Variants in TUSC3 observed in about 807,000 individuals in gnomAD.
The protein encoded by TUSC3 is dolichyl-diphosphooligosaccharide--protein glycosyltransferase subunit TUSC3.
Under a neutral mutation model 44.8 loss-of-function variants are expected in TUSC3, and 45 were observed. That is an observed-to-expected ratio of 1.00 (90% CI 0.79 to 1.29). TUSC3 has a LOEUF of 1.29. Among genes scored for constraint, TUSC3 ranks in the 50% most tolerant of loss-of-function variants. TUSC3 has a pLI of 0.00. For synonymous variants in TUSC3, 212 were observed against 152.9 expected (o/e 1.39, Z -2.85); for missense variants, 519 against 437.9 (o/e 1.19, Z -1.65).
rs188549889 is a variant in TUSC3, at chr8:15,565,849, A to C, written c.138+25281A>C. ...CTAGGTGTGGATGACTGTGTGGTAC[A>C]GTCTCCTTAATCTCCTGAATTTGGC... On this transcript the variant is annotated intron_variant, in intron 1 of 10. Transcript: ENST00000503731. Among the ~76,000 whole-genome samples the C allele has an allele frequency of 1.8e-3, 271 of 152,220 alleles. 1 individual carries two copies. Among genetic ancestry groups the C allele is most frequent in the African/African-American group, 6.3e-3 (260 of 41,534 alleles).
chr8:15,839,778 A>G, the TUSC3 span, among the ~76,000 whole-genome samples: 11 of 152,268 alleles, frequency 7.2e-5, no homozygotes, highest in South Asian at 2.3e-3. Flanking sequence ...CACTGTTGGT[A>G]GGAATGTAAA....
the TUSC3 span, among the ~76,000 whole-genome samples, chr8:15,814,746 C>G: frequency 2.6e-5 from 4 of 152,100 alleles, no homozygotes; most frequent in Admixed American, 1.3e-4. Context: ...TAGAGATTTA[C>G]CAATATTAAA....
At chr8:15,476,630 C>T (rs1023373207) in intron 1 of TUSC3, among the ~76,000 whole-genome samples, 13 of 151,982 alleles carry the variant, frequency 8.6e-5, no homozygotes, top group Non-Finnish European at 1.5e-4. Context: ...GGACCAAATG[C>T]ACAAACAAAG....
At chr8:15,556,060 G>T (rs1404105735) in intron 1 of TUSC3, among the ~76,000 whole-genome samples, 1 of 149,628 alleles carries the variant, frequency 6.7e-6, no homozygotes, top group Non-Finnish European at 1.5e-5. Context: ...CATTGTGCAG[G>T]TTAGTTACAT....
chr8:15,574,137 C>G (rs1468200014), intron 1 of TUSC3, among the ~76,000 whole-genome samples: 1 of 152,124 alleles, frequency 6.6e-6, no homozygotes, highest in Non-Finnish European at 1.5e-5. Flanking sequence ...ATTCAATTGT[C>G]AATCCATTTC....
intron 2 of TUSC3, among the ~76,000 whole-genome samples, chr8:15,497,540 C>G (rs1563266488): frequency 6.6e-6 from 1 of 152,014 alleles, no homozygotes; most frequent in African/African-American, 2.4e-5. Flanking sequence ...GAGGGCAATT[C>G]TTCGGAGGGG....
At chr8:15,661,262 C>T (rs1285753727) in intron 4 of TUSC3, among the ~76,000 whole-genome samples, 2 of 151,912 alleles carry the variant, frequency 1.3e-5, no homozygotes, top group African/African-American at 4.8e-5. Flanking sequence ...AACCTAATAC[C>T]CTTTACATTG....
At position 15,485,891 on chromosome 8, in the gene TUSC3, C is replaced by G. The variant is rs571675223; in HGVS notation, n.189+2408C>G. ...CACTGCAACCTCTGCCTCCTGGGTT[C>G]AAGTGATTCCTGCCTCAGCCTCCTG... is the stretch of plus-strand genomic sequence containing the variant. On this transcript the variant is annotated intron_variant and non_coding_transcript_variant, in intron 2 of 5. Coordinates refer to the TUSC3 transcript ENST00000503191. 9.7e-4 allele frequency among the ~76,000 whole-genome samples: 148 copies of G among 152,170 alleles called. 1 individual carries two copies. Among genetic ancestry groups the G allele is most frequent in the Non-Finnish European group, 1.8e-3 (122 of 67,998 alleles).
chr8:15,834,319 TTTC>T, the TUSC3 span, among the ~76,000 whole-genome samples: 1 of 152,198 alleles, frequency 6.6e-6, no homozygotes, highest in African/African-American at 2.4e-5. Context: ...CAGTACACTC[TTTC>T]TTTTTAGTTA....
At chr8:15,699,450 G>A (rs1809305338) in intron 6 of TUSC3, among the ~76,000 whole-genome samples, 1 of 152,108 alleles carries the variant, frequency 6.6e-6, no homozygotes, top group Non-Finnish European at 1.5e-5. Context: ...GGATTTTAGT[G>A]TCCACCTGTC....
At chr8:15,435,733 T>G (rs1799937642) in intron 1 of TUSC3, among the ~76,000 whole-genome samples, 1 of 152,184 alleles carries the variant, frequency 6.6e-6, no homozygotes, top group South Asian at 2.1e-4. Flanking sequence ...GAAATAAGGA[T>G]TTTTAAGGAA....
At chr8:15,506,411 C>G (rs922859070) in intron 2 of TUSC3, among the ~76,000 whole-genome samples, 29 of 152,184 alleles carry the variant, frequency 1.9e-4, no homozygotes, top group Non-Finnish European at 1.5e-4. Context: ...AACGGACCTT[C>G]TAAAGGAATT....
chr8:15,753,775 A>T (rs1329150611), intron 9 of TUSC3, among the ~76,000 whole-genome samples: 1 of 152,098 alleles, frequency 6.6e-6, no homozygotes, highest in Non-Finnish European at 1.5e-5. Context: ...TATAGCAGAG[A>T]TTTGGACACA....
chr8:15,570,012 AAAT>A (rs1802812782), intron 1 of TUSC3, among the ~76,000 whole-genome samples: 1 of 152,120 alleles, frequency 6.6e-6, no homozygotes. Context: ...TATCCATTAT[AAAT>A]AATTTTGGAT....
At chr8:15,484,535 A>G (rs2129125025) in intron 2 of TUSC3, among the ~76,000 whole-genome samples, 1 of 152,384 alleles carries the variant, frequency 6.6e-6, no homozygotes, top group East Asian at 1.9e-4. Context: ...AAGTATTCAG[A>G]AAATTATCCA....
At chr8:15,553,257 T>C (rs1802119181) in intron 1 of TUSC3, among the ~76,000 whole-genome samples, 3 of 151,700 alleles carry the variant, frequency 2.0e-5, no homozygotes, top group Admixed American at 2.0e-4. Flanking sequence ...GGGAATTGAA[T>C]TCATGGTGGT....
At chr8:15,734,816 A>G (rs1310645845) in intron 7 of TUSC3, among the ~76,000 whole-genome samples, 2 of 152,206 alleles carry the variant, frequency 1.3e-5, no homozygotes, top group Non-Finnish European at 2.9e-5. Context: ...ACAGGTACAC[A>G]ATCAAAATGA....
At chr8:15,734,287 T>C (rs962858959) in intron 7 of TUSC3, among the ~76,000 whole-genome samples, 1 of 152,182 alleles carries the variant, frequency 6.6e-6, no homozygotes, top group East Asian at 1.9e-4. Flanking sequence ...AAAGTTTTGC[T>C]GAAAAAATCA....
At chr8:15,757,489 G>A (rs1415715072) in intron 9 of TUSC3, among the ~76,000 whole-genome samples, 1 of 152,106 alleles carries the variant, frequency 6.6e-6, no homozygotes, top group Non-Finnish European at 1.5e-5. Context: ...TGTACAAATA[G>A]AACAATAATA....
Sources: allele counts gnomAD v4.1 joint callset (sites outside exome capture counted in the v4.1 genomes callset), GRCh38; gene constraint gnomAD v4.1.1; transcripts MANE v1.5; gene names NCBI Gene and HGNC (gene_info 2026-07-23, HGNC 2026-07-21).